F8: variants seen among roughly 807,000 people sequenced by gnomAD.
F8 encodes antihemophilic factor.
Under a neutral mutation model 140.6 loss-of-function variants are expected in F8, and 12 were observed. The ratio of observed to expected loss-of-function variants is 0.09; its 90% CI spans 0.05 to 0.14. The LOEUF (loss-of-function observed/expected upper bound fraction) is 0.14. F8 is among the 10% of genes least tolerant of loss of function. The pLI, the probability that F8 is intolerant of heterozygous loss-of-function variation, is 1.00. For synonymous variants in F8, 585 were observed against 614.6 expected (o/e 0.95, Z 0.71); for missense variants, 1,354 against 1,720.7 (o/e 0.79, Z 3.77).
intron 14 of F8, among the ~76,000 whole-genome samples, chrX:154,910,963 G>A (rs782572489): frequency 9.0e-6 from 1 of 110,823 alleles, no homozygotes; most frequent in East Asian, 2.8e-4. Context: ...AATGCACCAA[G>A]ATGTTTGTAT....
At chrX:154,860,648 C>T in intron 24 of F8, 40 bp from the exon 25 acceptor site, 1 of 1,154,991 alleles carries the variant, frequency 8.7e-7, no homozygotes, top group South Asian at 1.8e-5. Context: ...TCTTGGTCAC[C>T]ATTTACTCCC....
intron 5 of F8, among the ~76,000 whole-genome samples, chrX:154,985,187 G>C (rs982830544): frequency 3.6e-5 from 4 of 111,897 alleles, no homozygotes; most frequent in African/African-American, 1.3e-4. Flanking sequence ...TGTAATCGTA[G>C]CACTCTGGGA....
rs387906434 is a variant in F8, at chrX:154,999,531, TACAA to T, written c.209_212del (p.Phe70Ter). 8.3e-7 allele frequency: 1 copy of T among 1,209,341 alleles called. No individual in the cohort carries two copies. The highest frequency in any genetic ancestry group is 1.1e-6 in the Non-Finnish European group (1 of 893,647). Reference sequence around the variant, plus strand: ...TGTTGAAAAGGTGATCCGTGAATTCTACAAACAGAGTCTTTTTGTACACGACTGA... The same window carrying T: ...TGTTGAAAAGGTGATCCGTGAATTCTACAGAGTCTTTTTGTACACGACTGA... On this transcript the variant is annotated frameshift_variant, in exon 2 of 26. Transcript: ENST00000360256. LOFTEE classifies it high-confidence loss of function.
At chrX:154,986,689 G>A (rs1338861403) in intron 5 of F8, among the ~76,000 whole-genome samples, 1 of 111,194 alleles carries the variant, frequency 9.0e-6, no homozygotes, top group Non-Finnish European at 1.9e-5. Context: ...CCTCAATTAA[G>A]AAGATGGCAA....
chrX:154,941,334 G>A (rs1181064975), intron 13 of F8, among the ~76,000 whole-genome samples: 20 of 111,413 alleles, frequency 1.8e-4, no homozygotes, highest in East Asian at 5.6e-4. Context: ...TACCAAGCAA[G>A]TGGAAAACAA....
At chrX:154,977,273 A>T (rs2073492289) in intron 6 of F8, 1 of 111,335 alleles carries the variant, frequency 9.0e-6, no homozygotes, top group Non-Finnish European at 1.9e-5. Context: ...TTGTTTTTTA[A>T]TCTTCCTACT....
At position 154,993,006 on chromosome X, in the gene F8, A is replaced by G; in HGVS notation, c.531T>C (p.Tyr177=). 1 of 1,212,123 alleles carries G rather than the reference A, an allele frequency of 8.2e-7. No homozygotes were observed. The highest frequency in any genetic ancestry group is 1.1e-6 in the Non-Finnish European group (1 of 895,585). The change falls in exon 4 of 26, where the codon TAT becomes TAC. Residue 177 remains tyrosine (Y), a synonymous_variant. Transcript: ENST00000360256. ...ASDPLCLTYS[Y]LSHVDLVKDL... The stretch of plus-strand genomic sequence containing the variant: ...CTTTTACCAGGTCCACATGAGAAAG[A>G]TATGAGTAGGTAAGGCACAGTGGGT...
chrX:155,018,129 A>G (rs1285702992), intron 1 of F8, among the ~76,000 whole-genome samples: 1 of 110,171 alleles, frequency 9.1e-6, no homozygotes, highest in East Asian at 2.8e-4. Flanking sequence ...CGGCCTCCCA[A>G]AGTGCTGGGA....
intron 9 of F8, among the ~76,000 whole-genome samples, chrX:154,962,692 C>T (rs1164162911): frequency 5.4e-5 from 6 of 111,119 alleles, no homozygotes; most frequent in African/African-American, 2.0e-4. Context: ...ACAGTGAGAC[C>T]TCATCTCTAC....
At position 154,846,766 on chromosome X, in the gene F8, G is replaced by A. The variant is rs782777910; in HGVS notation, c.6901-9014C>T. On this transcript the variant is annotated intron_variant, in intron 25 of 25. Coordinates refer to ENST00000360256, the MANE Select transcript of F8 (RefSeq NM_000132.4). ...TGCCAGTCTGTGTCTTTTAATTGGA[G>A]CAGTTAGCCCATTTATGTTTAAGGT... 7.2e-5 allele frequency among the ~76,000 whole-genome samples: 8 copies of A among 111,770 alleles called. No homozygotes were observed. In the South Asian group the frequency reaches 1.5e-3, roughly 21 times the overall value.
intron 4 of F8, among the ~76,000 whole-genome samples, chrX:154,988,310 A>C (rs782541182): frequency 2.8e-4 from 31 of 112,227 alleles, no homozygotes; most frequent in Non-Finnish European, 5.4e-4. Flanking sequence ...TTTAAAGCTC[A>C]AGCTTCAGGT....
At chrX:154,970,872 T>C (rs1366159635) in intron 6 of F8, among the ~76,000 whole-genome samples, 2 of 111,966 alleles carry the variant, frequency 1.8e-5, no homozygotes, top group African/African-American at 6.5e-5. Flanking sequence ...TGTATTATTA[T>C]GCTTATTTGA....
intron 14 of F8, among the ~76,000 whole-genome samples, chrX:154,918,114 T>G (rs782092063): frequency 3.1e-4 from 35 of 112,082 alleles, no homozygotes; most frequent in African/African-American, 1.0e-3. Flanking sequence ...TACTCTGAGA[T>G]TACTGCCTCT....
At chrX:154,949,829 G>A (rs1233800648) in intron 12 of F8, among the ~76,000 whole-genome samples, 42 of 108,383 alleles carry the variant, frequency 3.9e-4, no homozygotes, top group African/African-American at 1.3e-3. Flanking sequence ...GTGCAGTGGC[G>A]TGATCTCTGC....
At chrX:154,863,667 A>G (rs1221647404) in intron 22 of F8, among the ~76,000 whole-genome samples, 1 of 111,141 alleles carries the variant, frequency 9.0e-6, no homozygotes, top group East Asian at 2.8e-4. Context: ...ACAATGATCT[A>G]TGGACAAAAG....
chrX:154,905,084 C>G lies in F8; in HGVS notation c.5374-61G>C, dbSNP rs2073031618. 4.2e-6 allele frequency: 4 copies of G among 954,723 alleles called. 1 individual carries two copies. The highest frequency in any genetic ancestry group is 6.6e-4 in the Middle Eastern group (2 of 3,036). The allele number at this position is 954,723 out of a possible 1,213,427, so 78.7% of individuals were successfully genotyped here. ...AATAATCTTCTAGGATCTTAAGGTC[C>G]TTAGGGTTTACATCCCTAAAAGAAA... On this transcript the variant is annotated intron_variant, in intron 15 of 25. Coordinates refer to ENST00000360256, the MANE Select transcript of F8 (RefSeq NM_000132.4).
At chrX:154,896,697 C>T (rs782328113) in intron 21 of F8, among the ~76,000 whole-genome samples, 1 of 111,931 alleles carries the variant, frequency 8.9e-6, no homozygotes, top group East Asian at 2.8e-4. Context: ...TGAACTGCTA[C>T]ACCTCCTTCA....
intron 22 of F8, among the ~76,000 whole-genome samples, chrX:154,866,228 G>A (rs182636969): frequency 5.2e-4 from 58 of 111,790 alleles, no homozygotes; most frequent in Non-Finnish European, 8.3e-4. Context: ...TACCCAACAC[G>A]AAAGTACCTA....
chrX:155,000,553 G>T (rs1557285513), intron 1 of F8, among the ~76,000 whole-genome samples: 1 of 112,094 alleles, frequency 8.9e-6, no homozygotes, highest in Non-Finnish European at 1.9e-5. Context: ...TGGGCATTTG[G>T]GTAATTAAGG....
Sources: allele counts gnomAD v4.1 joint callset (sites outside exome capture counted in the v4.1 genomes callset), GRCh38; gene constraint gnomAD v4.1.1; transcripts MANE v1.5; gene names NCBI Gene and HGNC (gene_info 2026-07-23, HGNC 2026-07-21).